TNS1: variants seen among roughly 807,000 people sequenced by gnomAD.
The protein encoded by TNS1 is tensin 1, also known as tensin-1.
Under a neutral mutation model 168.6 loss-of-function variants are expected in TNS1, and 62 were observed. The observed-to-expected ratio is 0.37, with a 90% CI of 0.30 to 0.45. TNS1 has a LOEUF of 0.45. Among genes scored for constraint, TNS1 ranks in the 20% least tolerant of loss-of-function variants. The probability of loss-of-function intolerance (pLI) is 1.00; values close to 1 mark genes in which losing one functional copy is unlikely to be tolerated. For synonymous variants in TNS1, 934 were observed against 933.2 expected (o/e 1.00, Z -0.02); for missense variants, 2,240 against 2,339.4 (o/e 0.96, Z 0.88).
At chr2:217,997,494 G>C (rs1958492207) in intron 1 of TNS1, among the ~76,000 whole-genome samples, 1 of 152,178 alleles carries the variant, frequency 6.6e-6, no homozygotes. Context: ...TTTGCAGAAT[G>C]CCCCTCGATT....
Position 218,023,627 on chromosome 2 carries a change from A to G in TNS1, c.156+10193T>C, listed in dbSNP as rs1958828155. On this transcript the variant is annotated intron_variant, in intron 1 of 1. Transcript: ENST00000649572. The stretch of plus-strand genomic sequence containing the variant: ...GCACCTACTTCATGCTGGGAACTTT[A>G]CATACCTTACCCACCTTAATGATCT... 3.9e-5 allele frequency among the ~76,000 whole-genome samples: 6 copies of G among 152,230 alleles called. No individual in the cohort carries two copies. The South Asian group carries it at 1.2e-3, about 32-fold the overall frequency.
chr2:217,907,959 A>T (rs3791930), intron 4 of TNS1, among the ~76,000 whole-genome samples: 83,319 of 151,614 alleles, frequency 0.55, 24,292 homozygotes, highest in Non-Finnish European at 0.66. Flanking sequence ...TGGCCACCCC[A>T]GCAAGTAGGA....
intron 13 of TNS1, 41 bp downstream of exon 13, chr2:217,886,493 G>T (rs1951213985): frequency 2.1e-6 from 3 of 1,460,718 alleles, no homozygotes; most frequent in Non-Finnish European, 1.9e-6. Flanking sequence ...TGAAAGGGAG[G>T]AGTTGGCAAG....
intron 1 of TNS1, among the ~76,000 whole-genome samples, chr2:218,030,776 G>A (rs565474007): frequency 6.6e-6 from 1 of 152,340 alleles, no homozygotes; most frequent in Non-Finnish European, 1.5e-5. Flanking sequence ...AAATACACGG[G>A]GTGGATAAAT....
chr2:217,871,515 A>G (rs1949773909), intron 18 of TNS1, among the ~76,000 whole-genome samples: 1 of 152,188 alleles, frequency 6.6e-6, no homozygotes. Flanking sequence ...GTTATCTGGG[A>G]CCACCTGCAA....
intron 24 of TNS1, among the ~76,000 whole-genome samples, chr2:217,817,184 T>C (rs1942025418): frequency 6.6e-6 from 1 of 152,130 alleles, no homozygotes; most frequent in South Asian, 2.1e-4. Flanking sequence ...CAGTGATGCT[T>C]GAAGACCATT....
chr2:217,855,659 G>A (rs1354481036), intron 18 of TNS1, among the ~76,000 whole-genome samples: 1 of 152,102 alleles, frequency 6.6e-6, no homozygotes, highest in East Asian at 1.9e-4. Flanking sequence ...AGTTCAATAT[G>A]TAACCTGCAT....
chr2:217,994,194 A>C (rs1958427745), intron 1 of TNS1, among the ~76,000 whole-genome samples: 1 of 152,118 alleles, frequency 6.6e-6, no homozygotes, highest in Admixed American at 6.5e-5. Context: ...CCCATCCCAC[A>C]AGAAGGGGCA....
chr2:218,008,155 G>A (rs1043243292), intron 1 of TNS1, among the ~76,000 whole-genome samples: 1 of 152,164 alleles, frequency 6.6e-6, no homozygotes, highest in African/African-American at 2.4e-5. Flanking sequence ...CACCCTGGGC[G>A]GAGACGTGTC....
chr2:217,974,203 T>C (rs914405769), intron 3 of TNS1, among the ~76,000 whole-genome samples: 2 of 152,234 alleles, frequency 1.3e-5, no homozygotes, highest in Non-Finnish European at 2.9e-5. Flanking sequence ...CTGGTTCTCA[T>C]GTATGTACAA....
chr2:217,944,401 T>C (rs898332655), intron 3 of TNS1, among the ~76,000 whole-genome samples: 2 of 152,100 alleles, frequency 1.3e-5, no homozygotes, highest in Non-Finnish European at 2.9e-5. Flanking sequence ...GTCAAGACTC[T>C]ATAGAAAAGA....
In TNS1 at chr2:217,800,805, A is replaced by G. The variant is rs1324297797; in HGVS notation, c.*3654T>C. ...GGGGTGGTGGACAAAAGTAGGAGTG[A>G]GACTAAAAAGTGGGAGTGAGACTAG... On this transcript the variant is annotated 3_prime_UTR_variant, in exon 33 of 33. Transcript: ENST00000682258. 1 of 152,026 alleles carries G rather than the reference A, an allele frequency of 6.6e-6. No homozygotes were observed. The highest frequency in any genetic ancestry group is 1.5e-5 in the Non-Finnish European group (1 of 68,066). 9.4% of individuals were successfully genotyped at this position (152,026 alleles called of 1,614,324 possible). A position where few individuals can be genotyped will look rare whatever the true frequency, so the allele number is the denominator to read the frequency against.
chr2:217,956,373 G>A (rs1394331044), intron 3 of TNS1, among the ~76,000 whole-genome samples: 1 of 152,060 alleles, frequency 6.6e-6, no homozygotes, highest in African/African-American at 2.4e-5. Flanking sequence ...GCTCCTGGAG[G>A]GAACATGAGT....
At chr2:217,956,693 T>C (rs955300753) in intron 3 of TNS1, among the ~76,000 whole-genome samples, 10 of 152,062 alleles carry the variant, frequency 6.6e-5, no homozygotes, top group Non-Finnish European at 1.5e-4. Flanking sequence ...ATCTCAAGTG[T>C]CCCTCTGGGC....
chr2:217,895,076 G>A lies in TNS1; in HGVS notation c.544-20C>T. The stretch of plus-strand genomic sequence containing the variant: ...GAACAGCTAGAAGGAGCAAAAGGAA[G>A]AGAGCATGAGGAGGTGAGGGTGAGG... On this transcript the variant is annotated intron_variant, in intron 8 of 32. Coordinates refer to ENST00000682258, the MANE Select transcript of TNS1 (RefSeq NM_001387777.1). 2 of 1,605,904 alleles carry A rather than the reference G, an allele frequency of 1.2e-6. No individual in the cohort carries two copies. The highest frequency in any genetic ancestry group is 1.7e-6 in the Non-Finnish European group (2 of 1,175,832).
At chr2:217,831,123 G>A (rs10168611) in intron 22 of TNS1, among the ~76,000 whole-genome samples, 68,903 of 151,776 alleles carry the variant, frequency 0.45, 15,935 homozygotes, top group African/African-American at 0.54. Context: ...ATGTATGTGC[G>A]CCCATGTACG....
rs188369321 is a variant in TNS1, at chr2:217,941,241, C to A, written c.187-21005G>T. Among the ~76,000 whole-genome samples the A allele has an allele frequency of 2.2e-4, 34 of 152,346 alleles. No homozygotes were observed. In the East Asian group the frequency reaches 6.6e-3, roughly 29 times the overall value. On this transcript the variant is annotated intron_variant, in intron 3 of 32. Coordinates refer to ENST00000682258, the MANE Select transcript of TNS1 (RefSeq NM_001387777.1). ...TCAAGATGCCCAACATCCCAGCACC[C>A]ACCCCCGGTCCTTGCACACCAGCCC...
At chr2:217,929,807 A>C (rs1018694900) in intron 3 of TNS1, among the ~76,000 whole-genome samples, 1 of 151,690 alleles carries the variant, frequency 6.6e-6, no homozygotes, top group African/African-American at 2.4e-5. Context: ...CCTCCTCCTA[A>C]ATACCTCTCT....
chr2:218,008,981 C>T (rs1315871360), intron 1 of TNS1, among the ~76,000 whole-genome samples: 1 of 152,298 alleles, frequency 6.6e-6, no homozygotes, highest in East Asian at 1.9e-4. Flanking sequence ...ACACTCCAAA[C>T]GATGTAGATA....
Sources: gnomAD v4.1 joint callset for allele counts (sites outside exome capture counted in the v4.1 genomes callset) on GRCh38, gnomAD v4.1.1 for gene constraint, MANE v1.5 for transcripts, NCBI Gene and HGNC (gene_info 2026-07-23, HGNC 2026-07-21) for gene names.